UTRN: variants seen among roughly 807,000 people sequenced by gnomAD.
UTRN encodes the protein utrophin.
UTRN carries 283 observed loss-of-function variants against 463.9 expected under a neutral mutation model. That is an observed-to-expected ratio of 0.61 (90% confidence interval 0.55 to 0.67). UTRN has a LOEUF of 0.67. UTRN is among the 30% of genes least tolerant of loss of function. UTRN has a pLI of 0.00. For missense variants in UTRN, 3,922 were observed against 4,084.3 expected, an observed-to-expected ratio of 0.96 and a Z score of 1.08; for synonymous variants, 1,442 against 1,431.5, an observed-to-expected ratio of 1.01 and a Z score of -0.17.
intron 2 of UTRN, among the ~76,000 whole-genome samples, chr6:144,321,638 T>G (rs972468354): frequency 6.6e-6 from 1 of 151,288 alleles, no homozygotes; most frequent in African/African-American, 2.4e-5. Flanking sequence ...CCCGGCTAAT[T>G]TTTGTATTTT....
At chr6:144,767,331 G>C (rs375349085) in intron 58 of UTRN, among the ~76,000 whole-genome samples, 1 of 152,230 alleles carries the variant, frequency 6.6e-6, no homozygotes. Context: ...ATTTGCAAGG[G>C]GTGAGAGAGA....
At chr6:144,496,398 A>G (rs980833996) in intron 33 of UTRN, among the ~76,000 whole-genome samples, 1 of 152,184 alleles carries the variant, frequency 6.6e-6, no homozygotes, top group Non-Finnish European at 1.5e-5. Context: ...TTGATGTATT[A>G]CATGTCTGGA....
chr6:144,299,835 AG>A (rs567362812), intron 2 of UTRN, among the ~76,000 whole-genome samples: 1 of 152,080 alleles, frequency 6.6e-6, no homozygotes, highest in Non-Finnish European at 1.5e-5. Context: ...TCTTATCTTA[AG>A]GGGGGGTGGT....
intron 66 of UTRN, among the ~76,000 whole-genome samples, chr6:144,824,612 A>G (rs71547170): frequency 2.5e-5 from 1 of 39,798 alleles, no homozygotes; most frequent in African/African-American, 1.2e-4. Flanking sequence ...ATATATATAT[A>G]TCTTTTTTTT....
chr6:144,486,472 A>G (rs1203961867), intron 28 of UTRN, among the ~76,000 whole-genome samples: 5 of 152,228 alleles, frequency 3.3e-5, no homozygotes, highest in Non-Finnish European at 7.3e-5. Context: ...TTATGTATGC[A>G]TACTAGAAGG....
intron 68 of UTRN, 23 bp downstream of exon 68, chr6:144,827,699 C>G (rs774453491): frequency 2.5e-6 from 4 of 1,608,620 alleles, no homozygotes; most frequent in Non-Finnish European, 3.4e-6. Context: ...GATCAGAGCC[C>G]TCCACTGCAC....
intron 58 of UTRN, among the ~76,000 whole-genome samples, chr6:144,769,748 G>A (rs114846988): frequency 0.011 from 1,750 of 152,218 alleles, 30 homozygotes; most frequent in African/African-American, 0.04. Context: ...TCTGTCTCTG[G>A]ACAGTACTGT....
intron 51 of UTRN, among the ~76,000 whole-genome samples, chr6:144,657,119 G>T (rs189229553): frequency 6.6e-6 from 1 of 151,994 alleles, no homozygotes; most frequent in Non-Finnish European, 1.5e-5. Flanking sequence ...GCGTGGTGGC[G>T]CATGCCTCTA....
chr6:144,570,095 G>T (rs1918750), intron 50 of UTRN, among the ~76,000 whole-genome samples: 3 of 152,100 alleles, frequency 2.0e-5, no homozygotes, highest in African/African-American at 2.4e-5. Flanking sequence ...TATGATAGCA[G>T]CAATGAAACA....
At chr6:144,646,014 C>T (rs1190139173) in intron 51 of UTRN, among the ~76,000 whole-genome samples, 1 of 152,078 alleles carries the variant, frequency 6.6e-6, no homozygotes, top group East Asian at 1.9e-4. Context: ...TCTTGTTGAT[C>T]TTTCATATGG....
chr6:144,493,230 T>C, intron 32 of UTRN, 71 bp from the exon 33 acceptor site: 1 of 1,482,312 alleles, frequency 6.7e-7, no homozygotes. Context: ...TAAGCTGTGG[T>C]CTGACATGAT....
At position 144,465,067 on chromosome 6, in the gene UTRN, A is replaced by G. The variant is rs116692588; in HGVS notation, c.3066+2201A>G. Among the ~76,000 whole-genome samples the G allele has an allele frequency of 2.5e-3, 385 of 152,326 alleles. 5 individuals are homozygous for G. The highest frequency in any genetic ancestry group is 9.0e-3 in the African/African-American group (374 of 41,566). On this transcript the variant is annotated intron_variant, in intron 23 of 74. Coordinates refer to ENST00000367545, the MANE Select transcript of UTRN (RefSeq NM_007124.3). Reference sequence around the variant, plus strand: ...TGCAGCTAAACATCCCACCATGTACAGGACAGCCTCACAACAAAATAATCA... The same window carrying G: ...TGCAGCTAAACATCCCACCATGTACGGGACAGCCTCACAACAAAATAATCA...
chr6:144,563,280 A>G (rs938426484), intron 50 of UTRN, among the ~76,000 whole-genome samples: 3 of 152,118 alleles, frequency 2.0e-5, no homozygotes, highest in African/African-American at 7.2e-5. Context: ...ATTTTGTTGT[A>G]TATTTGGAAG....
Position 144,521,970 on chromosome 6 carries a change from G to A in UTRN, c.5542-10G>A, listed in dbSNP as rs767670686. On this transcript the variant is annotated splice_polypyrimidine_tract_variant and intron_variant, in intron 39 of 74. Transcript: ENST00000367545. ...ATATATATATATTTTTTTTTTTGCT[G>A]TTTTTGTAGGCAATCCCTATTCAAC... 6 of 1,415,488 alleles carry A rather than the reference G, an allele frequency of 4.2e-6. No individual in the cohort carries two copies. The highest frequency in any genetic ancestry group is 1.7e-5 in the African/African-American group (1 of 60,444). 87.7% of individuals were successfully genotyped at this position (1,415,488 alleles called of 1,614,324 possible). A position where few individuals can be genotyped will look rare whatever the true frequency, so the allele number is the denominator to read the frequency against.
chr6:144,554,624 AT>A, intron 48 of UTRN, 63 bp from the exon 49 acceptor site: 2 of 1,547,058 alleles, frequency 1.3e-6, no homozygotes, highest in Non-Finnish European at 1.8e-6. Context: ...GATATATGAT[AT>A]TTTTTCTTTC....
intron 53 of UTRN, among the ~76,000 whole-genome samples, chr6:144,724,009 C>CAAAAAAAA (rs59598919): frequency 6.8e-5 from 4 of 58,768 alleles, no homozygotes; most frequent in African/African-American, 1.1e-4. Context: ...GACTCCATCT[C>CAAAAAAAA]AAAAAAAAAA....
chr6:144,836,657 C>T (rs376953979), intron 71 of UTRN, 116 bp downstream of exon 71: 38 of 1,438,286 alleles, frequency 2.6e-5, no homozygotes, highest in South Asian at 8.3e-5. Context: ...TTCTTACCTC[C>T]GTAGTTAATT....
chr6:144,288,267 T>C (rs1309397526), intron 1 of UTRN, among the ~76,000 whole-genome samples: 1 of 152,214 alleles, frequency 6.6e-6, no homozygotes, highest in African/African-American at 2.4e-5. Context: ...AAAATCACCT[T>C]GAGGAGAGTG....
intron 51 of UTRN, among the ~76,000 whole-genome samples, chr6:144,614,862 A>G (rs1194801831): frequency 1.3e-5 from 2 of 152,146 alleles, no homozygotes; most frequent in Non-Finnish European, 2.9e-5. Context: ...TTACATGATA[A>G]TTAAAGAAGT....
Sources: gnomAD v4.1 joint callset for allele counts (sites outside exome capture counted in the v4.1 genomes callset) on GRCh38, gnomAD v4.1.1 for gene constraint, MANE v1.5 for transcripts, NCBI Gene and HGNC (gene_info 2026-07-23, HGNC 2026-07-21) for gene names.